Variants in SLC24A2 observed in about 807,000 individuals in gnomAD.
SLC24A2 encodes the protein solute carrier family 24 member 2.
SLC24A2 carries 36 observed loss-of-function variants against 62.0 expected under a neutral mutation model. The observed-to-expected ratio is 0.58, with a 90% confidence interval of 0.44 to 0.77. The LOEUF (loss-of-function observed/expected upper bound fraction) is 0.77, where lower values mean the gene tolerates loss of function less well. Among genes scored for constraint, SLC24A2 ranks in the 30% least tolerant of loss-of-function variants. The pLI is 0.00. For missense variants in SLC24A2, 846 were observed against 817.9 expected (o/e 1.03, Z -0.42); for synonymous variants, 358 against 294.0 (o/e 1.22, Z -2.23).
At chr9:19,945,256 C>G in the SLC24A2 span, among the ~76,000 whole-genome samples, 769 of 151,768 alleles carry the variant, frequency 5.1e-3, 11 homozygotes, top group African/African-American at 0.018. Flanking sequence ...TCTTCTAGCA[C>G]AAAAGCAGGT....
At chr9:20,030,268 T>C in the SLC24A2 span, among the ~76,000 whole-genome samples, 1 of 152,176 alleles carries the variant, frequency 6.6e-6, no homozygotes, top group Non-Finnish European at 1.5e-5. Context: ...TTTCTGAAAG[T>C]TATGGGGAAC....
the SLC24A2 span, among the ~76,000 whole-genome samples, chr9:20,198,178 A>G: frequency 6.6e-6 from 1 of 152,232 alleles, no homozygotes; most frequent in Non-Finnish European, 1.5e-5. Flanking sequence ...TGAGGTCATC[A>G]GCACAATTTG....
At chr9:19,595,427 G>A (rs997097230) in intron 5 of SLC24A2, among the ~76,000 whole-genome samples, 4 of 152,202 alleles carry the variant, frequency 2.6e-5, no homozygotes, top group South Asian at 2.1e-4. Context: ...AGGGATATGC[G>A]TGAGGGGATG....
chr9:20,111,094 C>T, the SLC24A2 span, among the ~76,000 whole-genome samples: 1 of 152,184 alleles, frequency 6.6e-6, no homozygotes, highest in African/African-American at 2.4e-5. Context: ...GCTTCACTTT[C>T]CCTTTTCCAT....
the SLC24A2 span, among the ~76,000 whole-genome samples, chr9:19,826,673 C>T: frequency 1.3e-5 from 2 of 152,144 alleles, no homozygotes. Context: ...GAACTCATCC[C>T]CTCAAGCCTT....
intron 2 of SLC24A2, among the ~76,000 whole-genome samples, chr9:19,663,213 G>T (rs1210997450): frequency 6.6e-6 from 1 of 152,188 alleles, no homozygotes; most frequent in African/African-American, 2.4e-5. Context: ...GGCTCAGAGA[G>T]GTCAGGAGAC....
the SLC24A2 span, among the ~76,000 whole-genome samples, chr9:19,919,517 A>G: frequency 6.6e-6 from 1 of 152,236 alleles, no homozygotes; most frequent in African/African-American, 2.4e-5. Flanking sequence ...TATACTTAGG[A>G]CAAATTAAAA....
chr9:19,673,940 T>C (rs567450377), intron 2 of SLC24A2, among the ~76,000 whole-genome samples: 102 of 152,322 alleles, frequency 6.7e-4, no homozygotes, highest in South Asian at 4.1e-3. Context: ...GTTTATTTGT[T>C]TATTTATTGT....
At chr9:19,666,324 T>A (rs1451025581) in intron 2 of SLC24A2, among the ~76,000 whole-genome samples, 1 of 152,170 alleles carries the variant, frequency 6.6e-6, no homozygotes, top group Non-Finnish European at 1.5e-5. Context: ...AAGGATCACC[T>A]GAGCCTGGGA....
intron 8 of SLC24A2, among the ~76,000 whole-genome samples, chr9:19,530,368 A>G (rs1369930924): frequency 1.3e-5 from 2 of 152,132 alleles, no homozygotes; most frequent in African/African-American, 2.4e-5. Flanking sequence ...AGGACAATGA[A>G]AAGCTTTCTA....
chr9:20,172,883 A>G, the SLC24A2 span, among the ~76,000 whole-genome samples: 1 of 151,834 alleles, frequency 6.6e-6, no homozygotes, highest in Non-Finnish European at 1.5e-5. Context: ...AAACCAGGAA[A>G]GACATAACTA....
At chr9:20,137,748 T>C in the SLC24A2 span, among the ~76,000 whole-genome samples, 1 of 152,226 alleles carries the variant, frequency 6.6e-6, no homozygotes, top group Non-Finnish European at 1.5e-5. Context: ...GTAACAATAT[T>C]TTTAAACAGA....
the SLC24A2 span, among the ~76,000 whole-genome samples, chr9:19,851,348 T>A: frequency 1.3e-5 from 2 of 151,854 alleles, no homozygotes; most frequent in Non-Finnish European, 2.9e-5. Flanking sequence ...TATTTTAAAT[T>A]TGAAGTTCCA....
chr9:20,117,609 A>T, the SLC24A2 span, among the ~76,000 whole-genome samples: 69 of 152,254 alleles, frequency 4.5e-4, no homozygotes, highest in African/African-American at 1.5e-3. Flanking sequence ...CAAAGTACTT[A>T]TTATGTTTGT....
the SLC24A2 span, among the ~76,000 whole-genome samples, chr9:19,851,285 A>G: frequency 6.6e-6 from 1 of 151,468 alleles, no homozygotes; most frequent in East Asian, 1.9e-4. Flanking sequence ...TCGGCCTTCT[A>G]AAGTGCTGGG....
the SLC24A2 span, among the ~76,000 whole-genome samples, chr9:20,296,448 G>C: frequency 3.3e-4 from 51 of 152,298 alleles, no homozygotes; most frequent in African/African-American, 1.2e-3. Flanking sequence ...TATAAAAAAT[G>C]GACACCAAGA....
chr9:20,107,307 C>G, the SLC24A2 span, among the ~76,000 whole-genome samples: 1 of 151,822 alleles, frequency 6.6e-6, no homozygotes, highest in Admixed American at 6.6e-5. Flanking sequence ...CCCCATCAAG[C>G]TACCAATGAC....
At chr9:20,143,834 A>G in the SLC24A2 span, among the ~76,000 whole-genome samples, 1 of 152,202 alleles carries the variant, frequency 6.6e-6, no homozygotes, top group East Asian at 1.9e-4. Flanking sequence ...CCATCATCAA[A>G]ATGTCAATAT....
the SLC24A2 span, among the ~76,000 whole-genome samples, chr9:20,036,762 C>G: frequency 3.3e-5 from 5 of 152,020 alleles, no homozygotes; most frequent in Non-Finnish European, 7.4e-5. Context: ...GAGGATACCA[C>G]AATGCAGGAT....
Sources: allele counts gnomAD v4.1 joint callset (sites outside exome capture counted in the v4.1 genomes callset), GRCh38; gene constraint gnomAD v4.1.1; transcripts MANE v1.5; gene names NCBI Gene and HGNC (gene_info 2026-07-23, HGNC 2026-07-21).